DHX35: variants seen among roughly 807,000 people sequenced by gnomAD.
DHX35 encodes probable ATP-dependent RNA helicase DHX35.
In DHX35, 84 loss-of-function variants were observed where a neutral mutation model predicts 99.6. That is an observed-to-expected ratio of 0.84 (90% CI 0.71 to 1.01). DHX35 has a LOEUF of 1.01. Ranked by LOEUF, DHX35 falls within the 50% of genes least tolerant of loss-of-function variation. The pLI, the probability that DHX35 is intolerant of heterozygous loss-of-function variation, is 0.00. For missense variants in DHX35, 852 were observed against 888.5 expected, an observed-to-expected ratio of 0.96 and a Z score of 0.52; for synonymous variants, 331 against 316.2, an observed-to-expected ratio of 1.05 and a Z score of -0.50.
At chr20:39,019,437 A>G (rs1035111405) in intron 15 of DHX35, among the ~76,000 whole-genome samples, 2 of 152,158 alleles carry the variant, frequency 1.3e-5, no homozygotes, top group Non-Finnish European at 2.9e-5. Context: ...GTTGCTTCTA[A>G]CTTTTGGCTA....
intron 5 of DHX35, among the ~76,000 whole-genome samples, chr20:38,991,210 C>T (rs1282583603): frequency 6.6e-6 from 1 of 152,136 alleles, no homozygotes; most frequent in Non-Finnish European, 1.5e-5. Context: ...CTGATGTTCC[C>T]ATAATAAAGG....
At chr20:38,970,583 G>T (rs142455622) in intron 2 of DHX35, among the ~76,000 whole-genome samples, 175 of 152,332 alleles carry the variant, frequency 1.1e-3, no homozygotes, top group African/African-American at 3.9e-3. Flanking sequence ...CACCATTTGT[G>T]TGCTGTGTGA....
chr20:38,993,817 T>G (rs1259080048), intron 7 of DHX35, among the ~76,000 whole-genome samples: 1 of 152,114 alleles, frequency 6.6e-6, no homozygotes, highest in Admixed American at 6.5e-5. Context: ...ACATAGGTAC[T>G]GTATATTGTG....
chr20:38,971,601 C>T (rs2085997857), intron 2 of DHX35, among the ~76,000 whole-genome samples: 1 of 152,102 alleles, frequency 6.6e-6, no homozygotes, highest in Non-Finnish European at 1.5e-5. Flanking sequence ...AACATGTCAA[C>T]CTCTCTGGGG....
Position 38,969,106 on chromosome 20 carries a change from C to G in DHX35, c.66C>G (p.Ile22Met). Residue 22 changes from isoleucine to methionine, a missense_variant, in exon 2 of 22, where the codon ATC becomes ATG. By Grantham distance (10) the Ile-to-Met change is conservative. Transcript: ENST00000252011. ...RPGTEGPGVS[I>M]SEERQSLAEN... Reference sequence around the variant, plus strand: ...GTACAGAGGGGCCAGGTGTAAGCATCTCTGAAGAGAGACAAAGTCTGGCTG... The same window carrying G: ...GTACAGAGGGGCCAGGTGTAAGCATGTCTGAAGAGAGACAAAGTCTGGCTG... 2 of 1,613,398 alleles carry G rather than the reference C, an allele frequency of 1.2e-6. No homozygotes were observed. Among genetic ancestry groups the G allele is most frequent in the Non-Finnish European group, 1.7e-6 (2 of 1,179,438 alleles).
At position 38,969,195 on chromosome 20, in the gene DHX35, A is replaced by C; in HGVS notation, c.155A>C (p.Gln52Pro). ...YAALSIEQQR[Q>P]KLPVFKLRNH... is the part of the protein sequence containing the mutation. ...GCCCTTTCCATAGAGCAGCAGAGGC[A>C]GAAGCTGCCGGTATTCAAGGTACGT... The change falls in exon 2 of 22, where the codon CAG becomes CCG. Residue 52 changes from glutamine to proline, a missense_variant. By Grantham distance (76) the Gln-to-Pro change is moderately conservative. Transcript: ENST00000252011. 6.2e-7 allele frequency: 1 copy of C among 1,609,228 alleles called. No homozygotes were observed. Among genetic ancestry groups the C allele is most frequent in the Non-Finnish European group, 8.5e-7 (1 of 1,177,890 alleles).
At chr20:39,004,042 CACAATAAATAAT>C in intron 11 of DHX35, 135 bp downstream of exon 11, 1 of 986,214 alleles carries the variant, frequency 1.0e-6, no homozygotes, top group Non-Finnish European at 1.5e-6. Context: ...TCTAAAAGCA[CACAATAAATAAT>C]ACATTGTGAA....
At chr20:38,989,045 C>T in intron 5 of DHX35, 128 bp downstream of exon 5, 2 of 1,019,884 alleles carry the variant, frequency 2.0e-6, no homozygotes, top group East Asian at 2.8e-5. Flanking sequence ...GAAAAGTATC[C>T]TGACATTCAG....
At chr20:38,987,972 C>T (rs114896597) in intron 4 of DHX35, among the ~76,000 whole-genome samples, 46 of 152,210 alleles carry the variant, frequency 3.0e-4, no homozygotes, top group African/African-American at 1.1e-3. Flanking sequence ...GAAACTGGCC[C>T]AGCTTTGAAT....
At chr20:39,020,568 A>T (rs1405907229) in intron 15 of DHX35, among the ~76,000 whole-genome samples, 3 of 151,200 alleles carry the variant, frequency 2.0e-5, no homozygotes, top group Non-Finnish European at 4.4e-5. Context: ...ATTTATGAAG[A>T]TGTACTTTAG....
At chr20:39,017,557 G>A (rs761841452) in intron 14 of DHX35, among the ~76,000 whole-genome samples, 34 of 151,688 alleles carry the variant, frequency 2.2e-4, no homozygotes, top group Non-Finnish European at 4.7e-4. Flanking sequence ...GGGACCCCCC[G>A]CCTCCCCCCG....
intron 3 of DHX35, among the ~76,000 whole-genome samples, chr20:38,976,137 CTTTTAA>C (rs1456030082): frequency 1.3e-5 from 2 of 150,898 alleles, no homozygotes; most frequent in East Asian, 3.9e-4. Flanking sequence ...GTTTTTTTTT[CTTTTAA>C]TTTTAAGATT....
At chr20:38,985,880 C>T (rs890693467) in intron 4 of DHX35, among the ~76,000 whole-genome samples, 1 of 152,200 alleles carries the variant, frequency 6.6e-6, no homozygotes, top group Non-Finnish European at 1.5e-5. Context: ...ACTTTATGTG[C>T]AGACTAAAAT....
At chr20:38,979,679 G>A (rs1036522364) in intron 3 of DHX35, among the ~76,000 whole-genome samples, 1 of 152,142 alleles carries the variant, frequency 6.6e-6, no homozygotes, top group Non-Finnish European at 1.5e-5. Flanking sequence ...GAATGGCTGA[G>A]GAACTAAAGG....
chr20:38,969,260 C>T (rs1397808404), intron 2 of DHX35, 46 bp downstream of exon 2: 2 of 1,569,550 alleles, frequency 1.3e-6, no homozygotes, highest in Admixed American at 3.5e-5. Context: ...AATCGTGTGT[C>T]TGCATTAGCT....
intron 18 of DHX35, 109 bp downstream of exon 18, chr20:39,025,468 C>G: frequency 7.7e-7 from 1 of 1,303,658 alleles, no homozygotes; most frequent in Non-Finnish European, 1.0e-6. Context: ...GTGCTCTGTA[C>G]CAACACTGGG....
chr20:39,003,727 G>A lies in DHX35; in HGVS notation c.853-22G>A, dbSNP rs776033125. 1.9e-6 allele frequency: 3 copies of A among 1,594,186 alleles called. No individual in the cohort carries two copies. The Admixed American group carries it at 5.1e-5, about 27-fold the overall frequency. On this transcript the variant is annotated intron_variant, in intron 10 of 21. Coordinates refer to ENST00000252011, the MANE Select transcript of DHX35 (RefSeq NM_021931.4). ...CTTTAAATTGATCTCGGTTTCTTTG[G>A]TTCCTGGTTCAACGTCTTTAGGAAG...
At chr20:38,974,536 ATG>A (rs1216825679) in intron 3 of DHX35, among the ~76,000 whole-genome samples, 1 of 152,192 alleles carries the variant, frequency 6.6e-6, no homozygotes, top group Non-Finnish European at 1.5e-5. Context: ...GGGGAAATTA[ATG>A]TGTGTGTTTT....
At chr20:38,972,422 T>C (rs1444863713) in intron 2 of DHX35, 137 bp from the exon 3 acceptor site, 1 of 621,374 alleles carries the variant, frequency 1.6e-6, no homozygotes, top group Non-Finnish European at 2.8e-6. Context: ...TACCTGAGGG[T>C]TAGAAATACA....
Sources: gnomAD v4.1 joint callset for allele counts (sites outside exome capture counted in the v4.1 genomes callset) on GRCh38, gnomAD v4.1.1 for gene constraint, MANE v1.5 for transcripts, NCBI Gene and HGNC (gene_info 2026-07-23, HGNC 2026-07-21) for gene names.